Variants in DMD observed in about 807,000 individuals in gnomAD.
DMD encodes mutant dystrophin.
A neutral mutation model predicts 330.1 loss-of-function variants in DMD; 63 were observed. The ratio of observed to expected loss-of-function variants is 0.19; its 90% CI spans 0.16 to 0.24. DMD has a LOEUF of 0.24. Ranked by LOEUF, DMD falls within the 10% of genes least tolerant of loss-of-function variation. The pLI, the probability that DMD is intolerant of heterozygous loss-of-function variation, is 1.00. For synonymous variants in DMD, 1,223 were observed against 959.8 expected, an observed-to-expected ratio of 1.27 and a Z score of -5.07; for missense variants, 3,344 against 2,684.1, an observed-to-expected ratio of 1.25 and a Z score of -5.43.
intron 11 of DMD, among the ~76,000 whole-genome samples, chrX:32,621,688 C>T (rs944865919): frequency 7.3e-5 from 8 of 109,988 alleles, no homozygotes; most frequent in Non-Finnish European, 1.3e-4. Context: ...GGGTAGGGAC[C>T]AGAATGGCTG....
At chrX:31,362,522 A>G (rs1297358981) in intron 60 of DMD, among the ~76,000 whole-genome samples, 1 of 113,023 alleles carries the variant, frequency 8.8e-6, no homozygotes, top group Non-Finnish European at 1.9e-5. Context: ...CAAATATTCC[A>G]AAATCCACAA....
chrX:32,873,356 A>T (rs779041064), intron 2 of DMD, among the ~76,000 whole-genome samples: 1 of 109,721 alleles, frequency 9.1e-6, no homozygotes, highest in South Asian at 4.0e-4. Context: ...CATTAGAGTG[A>T]GAGAGCAGAC....
At chrX:31,833,291 AGG>A (rs776307838) in intron 49 of DMD, among the ~76,000 whole-genome samples, 13,230 of 32,361 alleles carry the variant, frequency 0.41, 2,783 homozygotes, top group East Asian at 0.76. Context: ...AGAGAGAGAG[AGG>A]GAGAGAGGGA....
intron 1 of DMD, among the ~76,000 whole-genome samples, chrX:33,164,905 G>A (rs1456080970): frequency 2.2e-5 from 2 of 91,305 alleles, no homozygotes; most frequent in African/African-American, 8.0e-5. Flanking sequence ...GTTATTATTT[G>A]CTTTGCTTTA....
At chrX:32,396,481 C>T (rs764091092) in intron 30 of DMD, among the ~76,000 whole-genome samples, 1 of 111,241 alleles carries the variant, frequency 9.0e-6, no homozygotes, top group African/African-American at 3.3e-5. Flanking sequence ...TTAAAAAGAA[C>T]TCAGTGGTTA....
At chrX:32,866,724 T>TTTTTTGGCGGGGGGGGGG (rs1307416049) in intron 2 of DMD, among the ~76,000 whole-genome samples, 1 of 38,413 alleles carries the variant, frequency 2.6e-5, no homozygotes, top group African/African-American at 1.7e-4. Flanking sequence ...CACTTTTTTT[T>TTTTTTGGCGGGGGGGGGG]GGGGGGGGGT....
chrX:31,433,292 C>T (rs1040487407), intron 60 of DMD, among the ~76,000 whole-genome samples: 3 of 111,669 alleles, frequency 2.7e-5, no homozygotes, highest in Non-Finnish European at 3.8e-5. Context: ...TTTATCCAAT[C>T]CACCATTGAT....
rs6628725 is a variant in DMD, at chrX:32,554,948, A to G, written c.1993-9614T>C. Among the ~76,000 whole-genome samples the G allele has an allele frequency of 5.5e-3, 391 of 70,806 alleles. 50 individuals are homozygous for G. Among genetic ancestry groups the G allele is most frequent in the Admixed American group, 0.042 (289 of 6,909 alleles). The allele number at this position is 70,806 out of a possible 115,157, so 61.5% of individuals were successfully genotyped here. A position where few individuals can be genotyped will look rare whatever the true frequency, so the allele number is the denominator to read the frequency against. Reference sequence around the variant, plus strand: ...AAGAAAGAAAGAAAGAAAGAGAGAGAGAGGGAGAGAGAAAGAAAGAGAGAG... The same window carrying G: ...AAGAAAGAAAGAAAGAAAGAGAGAGGGAGGGAGAGAGAAAGAAAGAGAGAG... On this transcript the variant is annotated intron_variant, in intron 16 of 78. Coordinates refer to ENST00000357033, the MANE Select transcript of DMD (RefSeq NM_004006.3).
At chrX:32,215,120 G>C (rs2147851298) in intron 44 of DMD, among the ~76,000 whole-genome samples, 1 of 111,422 alleles carries the variant, frequency 9.0e-6, no homozygotes, top group South Asian at 3.8e-4. Context: ...CATGGGATTA[G>C]CCATAGATTA....
intron 48 of DMD, among the ~76,000 whole-genome samples, chrX:31,840,016 T>C (rs1021600415): frequency 2.7e-5 from 3 of 111,577 alleles, no homozygotes; most frequent in African/African-American, 9.8e-5. Context: ...TCATCTTTCC[T>C]TTCAAACACT....
At chrX:32,189,606 C>T (rs760693742) in intron 44 of DMD, among the ~76,000 whole-genome samples, 3 of 93,789 alleles carry the variant, frequency 3.2e-5, no homozygotes, top group East Asian at 3.9e-4. Context: ...CCTTTTACTA[C>T]GCAGCAGGCA....
Position 31,408,570 on chromosome X carries a change from T to A in DMD, c.9084+35911A>T, listed in dbSNP as rs145390213. Among the ~76,000 whole-genome samples, 688 of 110,892 alleles carry A rather than the reference T, an allele frequency of 6.2e-3. 9 individuals carry two copies. Among genetic ancestry groups the A allele is most frequent in the African/African-American group, 0.021 (655 of 30,526 alleles). ...CGCACCATCATATCCAGCTAATTTT[T>A]GTATTTTTAGTGGAAACGAGGTTTC... On this transcript the variant is annotated intron_variant, in intron 60 of 78. Coordinates refer to ENST00000357033, the MANE Select transcript of DMD (RefSeq NM_004006.3).
At chrX:33,104,521 A>C (rs1603287035) in intron 1 of DMD, among the ~76,000 whole-genome samples, 6 of 94,847 alleles carry the variant, frequency 6.3e-5, no homozygotes, top group Admixed American at 3.6e-4. Flanking sequence ...TGTGACCCCC[A>C]CTCCTGCCTG....
At chrX:31,999,888 G>A (rs1175759479) in intron 44 of DMD, among the ~76,000 whole-genome samples, 1 of 111,834 alleles carries the variant, frequency 8.9e-6, no homozygotes, top group Non-Finnish European at 1.9e-5. Context: ...ATTTCACTCA[G>A]AACCAAGTTA....
chrX:32,783,813 A>G (rs1256639112), intron 7 of DMD, among the ~76,000 whole-genome samples: 2 of 111,335 alleles, frequency 1.8e-5, no homozygotes, highest in African/African-American at 3.3e-5. Context: ...CAGTTCTCAG[A>G]TAGTGAGGCA....
At chrX:31,657,946 A>G in intron 54 of DMD, 44 bp downstream of exon 54, 1 of 1,179,894 alleles carries the variant, frequency 8.5e-7, no homozygotes, top group Non-Finnish European at 1.2e-6. Context: ...TCACCACCCC[A>G]TTATTACAGC....
At chrX:32,899,145 G>C (rs2085992246) in intron 2 of DMD, among the ~76,000 whole-genome samples, 1 of 112,107 alleles carries the variant, frequency 8.9e-6, no homozygotes, top group African/African-American at 3.2e-5. Flanking sequence ...GAATTGATTA[G>C]CAGTTGCCCA....
At chrX:32,790,684 C>T (rs1056924862) in intron 7 of DMD, among the ~76,000 whole-genome samples, 4 of 111,636 alleles carry the variant, frequency 3.6e-5, no homozygotes, top group Admixed American at 9.5e-5. Context: ...AGAGGGGTGG[C>T]CACTCAACTT....
rs16990595 is a variant in DMD at position 32,738,688 on chromosome X, G to A, written c.650-39395C>T. Among the ~76,000 whole-genome samples, 1,181 of 111,856 alleles carry A rather than the reference G, an allele frequency of 0.011. 20 individuals carry two copies. Among genetic ancestry groups the A allele is most frequent in the African/African-American group, 0.036 (1,122 of 31,022 alleles). ...GAAAACTTCTTCTACATGTTCACTTGTCACCCGTCTGCAGAACAGAATTGG... is the reference window on the plus strand; with the variant it reads ...GAAAACTTCTTCTACATGTTCACTTATCACCCGTCTGCAGAACAGAATTGG... On this transcript the variant is annotated intron_variant, in intron 7 of 78. Coordinates refer to ENST00000357033, the MANE Select transcript of DMD (RefSeq NM_004006.3).
Sources: gnomAD v4.1 joint callset for allele counts (sites outside exome capture counted in the v4.1 genomes callset) on GRCh38, gnomAD v4.1.1 for gene constraint, MANE v1.5 for transcripts, NCBI Gene and HGNC (gene_info 2026-07-23, HGNC 2026-07-21) for gene names.